Variants in SEMA5A observed in about 807,000 individuals in gnomAD.
SEMA5A encodes the protein semaphorin-5A.
A neutral mutation model predicts 135.5 loss-of-function variants in SEMA5A; 55 were observed. That is an observed-to-expected ratio of 0.41 (90% confidence interval 0.33 to 0.51). SEMA5A has a LOEUF of 0.51. Among genes scored for constraint, SEMA5A ranks in the 20% least tolerant of loss-of-function variants. The probability of loss-of-function intolerance (pLI) is 0.37; values close to 1 mark genes in which losing one functional copy is unlikely to be tolerated. For synonymous variants in SEMA5A, 580 were observed against 546.5 expected (o/e 1.06, Z -0.85); for missense variants, 1,290 against 1,419.9 (o/e 0.91, Z 1.47).
At chr5:9,210,633 T>G (rs980363217) in intron 8 of SEMA5A, among the ~76,000 whole-genome samples, 1 of 152,092 alleles carries the variant, frequency 6.6e-6, no homozygotes, top group Non-Finnish European at 1.5e-5. Context: ...GTCAGCAGCT[T>G]GTAAAGGAGG....
rs535180263 is a variant in SEMA5A at position 9,503,157 on chromosome 5, T to A, written c.-175+42427A>T. Among the ~76,000 whole-genome samples, 5 of 152,160 alleles carry A rather than the reference T, an allele frequency of 3.3e-5. No homozygotes were observed. The East Asian group carries it at 5.8e-4, about 18-fold the overall frequency. The stretch of plus-strand genomic sequence containing the variant: ...AGAGAGAGAGACAGAATGAATGAAT[T>A]CAAAATACATTGTGAAACCACTCAT... On this transcript the variant is annotated intron_variant, in intron 1 of 22. Transcript: ENST00000382496.
chr5:9,142,785 A>G (rs1742136569), intron 12 of SEMA5A, among the ~76,000 whole-genome samples: 1 of 152,202 alleles, frequency 6.6e-6, no homozygotes, highest in Non-Finnish European at 1.5e-5. Context: ...TGGTCAACAT[A>G]GTCTTGAACC....
In SEMA5A at chr5:9,044,467, G is replaced by T; in HGVS notation, c.3011C>A (p.Thr1004Asn). 1 of 1,614,040 alleles carries T rather than the reference G, an allele frequency of 6.2e-7. No homozygotes were observed. Among genetic ancestry groups the T allele is most frequent in the Non-Finnish European group, 8.5e-7 (1 of 1,180,016 alleles). ...QRYQQQSHDA[T>N]VIHPVSPAPL... The stretch of plus-strand genomic sequence containing the variant: ...GGCAGGTGAGACGGGGTGGATGACA[G>T]TCGCATCGTGGGATTGCTGCTGGTA... Residue 1004 changes from threonine (T) to asparagine (N), a missense_variant, in exon 22 of 23, where the codon ACT becomes AAT. This residue lies in a region of SEMA5A where 1,029 missense variants were observed against 1,086.6 expected (regional missense o/e 0.95). Transcript: ENST00000382496.
At chr5:9,206,521 G>C (rs1746025695) in intron 8 of SEMA5A, among the ~76,000 whole-genome samples, 1 of 151,858 alleles carries the variant, frequency 6.6e-6, no homozygotes, top group Non-Finnish European at 1.5e-5. Context: ...GAATCCAAAA[G>C]AAGCCTCCCA....
chr5:9,104,329 A>T (rs777750828), intron 16 of SEMA5A, among the ~76,000 whole-genome samples: 4 of 152,328 alleles, frequency 2.6e-5, no homozygotes, highest in Non-Finnish European at 5.9e-5. Flanking sequence ...AACAAAAGTT[A>T]TTTTATGATG....
chr5:9,356,896 G>A (rs981018112), intron 3 of SEMA5A, among the ~76,000 whole-genome samples: 5 of 152,090 alleles, frequency 3.3e-5, no homozygotes, highest in Admixed American at 1.3e-4. Flanking sequence ...CCACTGAAAC[G>A]CTCATGCACC....
At chr5:9,047,968 G>A (rs1205237219) in intron 21 of SEMA5A, among the ~76,000 whole-genome samples, 1 of 152,182 alleles carries the variant, frequency 6.6e-6, no homozygotes, top group Non-Finnish European at 1.5e-5. Context: ...AGGCTCAGCA[G>A]GAGGAAAGTG....
intron 3 of SEMA5A, among the ~76,000 whole-genome samples, chr5:9,346,753 C>G (rs973184583): frequency 2.0e-5 from 3 of 152,166 alleles, no homozygotes; most frequent in African/African-American, 7.2e-5. Context: ...CACTCCCTCC[C>G]ACAGGAGTTG....
intron 3 of SEMA5A, among the ~76,000 whole-genome samples, chr5:9,370,600 T>TA (rs745393687): frequency 1.3e-5 from 2 of 152,176 alleles, no homozygotes; most frequent in African/African-American, 4.8e-5. Context: ...TAGTCAATAA[T>TA]AAAAAAGATT....
chr5:9,099,240 C>G (rs2150138357), intron 16 of SEMA5A, among the ~76,000 whole-genome samples: 1 of 152,268 alleles, frequency 6.6e-6, no homozygotes, highest in African/African-American at 2.4e-5. Context: ...TTGTGGCCAT[C>G]TGCTGTACCA....
rs189701191 is a variant in SEMA5A, at chr5:9,510,083, T to C, written c.-175+35501A>G. Among the ~76,000 whole-genome samples the C allele has an allele frequency of 1.8e-4, 27 of 152,274 alleles. No homozygotes were observed. In the East Asian group the frequency reaches 4.4e-3, roughly 25 times the overall value. On this transcript the variant is annotated intron_variant, in intron 1 of 22. Transcript: ENST00000382496. ...GGGCCACGACGGTGGAAAAATTAAT[T>C]CCAGGGAATCTGGAAAGAACATTAA...
At chr5:9,346,065 T>C (rs1172149019) in intron 3 of SEMA5A, among the ~76,000 whole-genome samples, 1 of 152,000 alleles carries the variant, frequency 6.6e-6, no homozygotes, top group Non-Finnish European at 1.5e-5. Context: ...AATGTTACCT[T>C]TTCCTAAACC....
intron 18 of SEMA5A, among the ~76,000 whole-genome samples, chr5:9,055,436 A>G (rs1304588205): frequency 6.6e-6 from 1 of 152,226 alleles, no homozygotes; most frequent in Non-Finnish European, 1.5e-5. Flanking sequence ...TGTAGCCTAC[A>G]CAAAGAAACA....
At chr5:9,471,351 A>G (rs2126754806) in intron 1 of SEMA5A, among the ~76,000 whole-genome samples, 1 of 152,290 alleles carries the variant, frequency 6.6e-6, no homozygotes, top group East Asian at 1.9e-4. Flanking sequence ...GGCAAAGGAA[A>G]GCTGCCCAGA....
intron 3 of SEMA5A, among the ~76,000 whole-genome samples, chr5:9,365,891 C>G (rs62342038): frequency 0.078 from 11,945 of 152,214 alleles, 654 homozygotes; most frequent in East Asian, 0.18. Context: ...AAGAGCCAAC[C>G]CCGTGAGGAT....
rs968656275 is a variant in SEMA5A, at chr5:9,037,515, T to TATC, written c.*5379_*5381dup. On this transcript the variant is annotated 3_prime_UTR_variant, in exon 23 of 23. Transcript: ENST00000382496. ...TAATGCAACAGATGACCACTGAGTA[T>TATC]ATCTTTGATCTATCTGCTAAAACAA... is the stretch of plus-strand genomic sequence containing the variant. 14 of 152,248 alleles carry TATC rather than the reference T, an allele frequency of 9.2e-5. No homozygotes were observed. Among genetic ancestry groups the TATC allele is most frequent in the African/African-American group, 3.4e-4 (14 of 41,474 alleles). The allele number at this position is 152,248 out of a possible 1,614,324, so 9.4% of individuals were successfully genotyped here. A position where few individuals can be genotyped will look rare whatever the true frequency, so the allele number is the denominator to read the frequency against.
chr5:9,247,169 A>G (rs182758668), intron 5 of SEMA5A, among the ~76,000 whole-genome samples: 126 of 152,316 alleles, frequency 8.3e-4, no homozygotes, highest in African/African-American at 2.7e-3. Flanking sequence ...ATTTTATTTT[A>G]CTGATGTGAA....
chr5:9,166,745 C>T (rs1743630201), intron 11 of SEMA5A, among the ~76,000 whole-genome samples: 3 of 152,306 alleles, frequency 2.0e-5, no homozygotes, highest in Middle Eastern at 3.4e-3. Flanking sequence ...AACCATATTA[C>T]TTTTAAAACA....
chr5:9,345,507 A>T lies in SEMA5A; in HGVS notation c.125-7695T>A, dbSNP rs185315835. On this transcript the variant is annotated intron_variant, in intron 3 of 22. Transcript: ENST00000382496. Reference sequence around the variant, plus strand: ...ATTTACATTATGGATATATATTTATAACATGGATTCCAGGATGTAAAAAAA... The same window carrying T: ...ATTTACATTATGGATATATATTTATTACATGGATTCCAGGATGTAAAAAAA... Among the ~76,000 whole-genome samples the T allele has an allele frequency of 5.8e-5, 8 of 138,056 alleles. No homozygotes were observed. In the East Asian group the frequency reaches 1.5e-3, roughly 26 times the overall value. 90.6% of individuals were successfully genotyped at this position (138,056 alleles called of 152,430 possible).
Sources: allele counts gnomAD v4.1 joint callset (sites outside exome capture counted in the v4.1 genomes callset), GRCh38; gene constraint gnomAD v4.1.1; regional missense constraint gnomAD v4.1.1; transcripts MANE v1.5; gene names NCBI Gene and HGNC (gene_info 2026-07-23, HGNC 2026-07-21).